The following CAP2 variants were observed in gnomAD, a reference collection of about 807,000 sequenced individuals.
The protein encoded by CAP2 is adenylyl cyclase-associated protein 2.
CAP2 carries 24 observed loss-of-function variants against 57.7 expected under a neutral mutation model. That is an observed-to-expected ratio of 0.42 (90% CI 0.30 to 0.58). The LOEUF (loss-of-function observed/expected upper bound fraction) is 0.58. Ranked by LOEUF, CAP2 falls within the 20% of genes least tolerant of loss-of-function variation. CAP2 has a pLI of 0.22. For missense variants in CAP2, 501 were observed against 590.3 expected (o/e 0.85, Z 1.57); for synonymous variants, 194 against 207.2 (o/e 0.94, Z 0.55).
intron 1 of CAP2, among the ~76,000 whole-genome samples, chr6:17,400,725 C>T (rs1320390810): frequency 1.3e-5 from 2 of 151,908 alleles, no homozygotes; most frequent in Non-Finnish European, 2.9e-5. Context: ...ATTAGCCAGG[C>T]GTGGTGGCAG....
chr6:17,467,218 G>T (rs1185139814), intron 4 of CAP2, among the ~76,000 whole-genome samples: 2 of 152,158 alleles, frequency 1.3e-5, no homozygotes, highest in African/African-American at 2.4e-5. Context: ...CCTTGGCCCA[G>T]AATTCTGATC....
At position 17,404,269 on chromosome 6, in the gene CAP2, G is replaced by A. The variant is rs181096919; in HGVS notation, c.-2+10523G>A. 2.3e-3 allele frequency among the ~76,000 whole-genome samples: 354 copies of A among 152,118 alleles called. 1 individual carries two copies. The highest frequency in any genetic ancestry group is 3.9e-3 in the Non-Finnish European group (264 of 67,982). On this transcript the variant is annotated intron_variant, in intron 1 of 12. Coordinates refer to ENST00000229922, the MANE Select transcript of CAP2 (RefSeq NM_006366.3). ...GGGTGGATCACGAGGTCAGGCGTTCGAGACCAGCCTGGCCAACATAGTAAA... is the reference window on the plus strand; with the variant it reads ...GGGTGGATCACGAGGTCAGGCGTTCAAGACCAGCCTGGCCAACATAGTAAA...
intron 3 of CAP2, among the ~76,000 whole-genome samples, chr6:17,438,442 T>TTTTC (rs1561783610): frequency 1.6e-5 from 2 of 126,892 alleles, no homozygotes; most frequent in African/African-American, 7.1e-5. Context: ...TGTTTTTTTT[T>TTTTC]TTTTTTTTTT....
chr6:17,395,721 TTTTAA>T (rs1296026778), intron 1 of CAP2, among the ~76,000 whole-genome samples: 4 of 152,236 alleles, frequency 2.6e-5, no homozygotes, highest in Non-Finnish European at 5.9e-5. Context: ...TTTGTTTTGT[TTTTAA>T]TTTATTATGT....
Position 17,437,960 on chromosome 6 carries a change from C to A in CAP2, c.222+11270C>A, listed in dbSNP as rs183527065. Among the ~76,000 whole-genome samples, 14 of 152,288 alleles carry A rather than the reference C, an allele frequency of 9.2e-5. No individual in the cohort carries two copies. In the East Asian group the frequency reaches 2.7e-3, roughly 29 times the overall value. On this transcript the variant is annotated intron_variant, in intron 3 of 12. Transcript: ENST00000229922. ...AGTCCATAGGCGGGAGCAAGAAAGT[C>A]ATTGGTTTATTATTGATTTGTAGAG...
intron 7 of CAP2, chr6:17,531,019 G>A (rs1762625684): frequency 9.7e-7 from 1 of 1,025,740 alleles, no homozygotes; most frequent in African/African-American, 1.6e-5. Context: ...AAGGGCCACA[G>A]GAAGTTATTT....
chr6:17,424,249 A>C (rs566531554), intron 2 of CAP2, among the ~76,000 whole-genome samples: 1 of 152,198 alleles, frequency 6.6e-6, no homozygotes, highest in South Asian at 2.1e-4. Flanking sequence ...AAATGAAAAA[A>C]ATTAGCTGGG....
chr6:17,461,992 C>CAAAAAA lies in CAP2; in HGVS notation c.223-978_223-973dup, dbSNP rs567675285. Among the ~76,000 whole-genome samples, 151 of 27,852 alleles carry CAAAAAA rather than the reference C, an allele frequency of 5.4e-3. 16 individuals are homozygous for CAAAAAA. Among genetic ancestry groups the CAAAAAA allele is most frequent in the Non-Finnish European group, 0.015 (98 of 6,530 alleles). The allele number at this position is 27,852 out of a possible 152,430, so 18.3% of individuals were successfully genotyped here. A position where few individuals can be genotyped will look rare whatever the true frequency, so the allele number is the denominator to read the frequency against. On this transcript the variant is annotated intron_variant, in intron 3 of 12. Coordinates refer to ENST00000229922, the MANE Select transcript of CAP2 (RefSeq NM_006366.3). ...TGGGCAACAGGGCGAGACTCCGTCT[C>CAAAAAA]AAAAAAAAAAAAAAAAAAAAAAAAA...
intron 4 of CAP2, among the ~76,000 whole-genome samples, chr6:17,486,464 G>A (rs149741627): frequency 3.2e-4 from 49 of 152,156 alleles, no homozygotes; most frequent in Non-Finnish European, 5.9e-4. Context: ...AAATTAGCCC[G>A]GCATGGTGGC....
chr6:17,508,890 TG>T (rs1762063429), intron 6 of CAP2, among the ~76,000 whole-genome samples: 1 of 152,062 alleles, frequency 6.6e-6, no homozygotes, highest in South Asian at 2.1e-4. Context: ...CCCAAGTAGC[TG>T]GGACTATAGG....
intron 3 of CAP2, among the ~76,000 whole-genome samples, chr6:17,436,583 G>A (rs1358100471): frequency 6.6e-6 from 1 of 152,156 alleles, no homozygotes; most frequent in African/African-American, 2.4e-5. Flanking sequence ...AGAGAGGGAG[G>A]CGGGTATCAG....
At chr6:17,488,338 A>G (rs1761470191) in intron 4 of CAP2, among the ~76,000 whole-genome samples, 1 of 152,156 alleles carries the variant, frequency 6.6e-6, no homozygotes, top group South Asian at 2.1e-4. Context: ...TCCATAAGTA[A>G]TAAGCAAACA....
chr6:17,515,993 A>G (rs1047190700), intron 7 of CAP2, among the ~76,000 whole-genome samples: 1 of 152,058 alleles, frequency 6.6e-6, no homozygotes, highest in African/African-American at 2.4e-5. Context: ...AATTTACCGA[A>G]CTCATATTGT....
chr6:17,536,760 C>T (rs575376478), intron 7 of CAP2, among the ~76,000 whole-genome samples: 3 of 152,240 alleles, frequency 2.0e-5, no homozygotes, highest in African/African-American at 7.2e-5. Flanking sequence ...GGGGCTGTCC[C>T]TTCACCGGCT....
At chr6:17,463,489 T>C (rs2113598567) in intron 4 of CAP2, among the ~76,000 whole-genome samples, 1 of 152,342 alleles carries the variant, frequency 6.6e-6, no homozygotes, top group African/African-American at 2.4e-5. Context: ...GATTTTGAGC[T>C]GCTTTGTTAC....
At chr6:17,404,268 C>T (rs961063569) in intron 1 of CAP2, among the ~76,000 whole-genome samples, 4 of 151,900 alleles carry the variant, frequency 2.6e-5, no homozygotes, top group Admixed American at 1.3e-4. Context: ...GTCAGGCGTT[C>T]GAGACCAGCC....
intron 11 of CAP2, among the ~76,000 whole-genome samples, chr6:17,551,226 A>G (rs1327810063): frequency 2.0e-5 from 3 of 152,188 alleles, no homozygotes; most frequent in Non-Finnish European, 4.4e-5. Flanking sequence ...GTCTCAGGAA[A>G]GAGACACTGA....
At chr6:17,547,631 G>A (rs919165165) in intron 11 of CAP2, among the ~76,000 whole-genome samples, 9 of 152,000 alleles carry the variant, frequency 5.9e-5, no homozygotes, top group South Asian at 4.1e-4. Flanking sequence ...CACGAGGTCC[G>A]GAGATTGAGA....
At chr6:17,533,527 C>T (rs1018639657) in intron 7 of CAP2, among the ~76,000 whole-genome samples, 1 of 151,610 alleles carries the variant, frequency 6.6e-6, no homozygotes, top group Non-Finnish European at 1.5e-5. Context: ...AACTTTTGTA[C>T]TCTGAATATG....
Sources: gnomAD v4.1 joint callset for allele counts (sites outside exome capture counted in the v4.1 genomes callset) on GRCh38, gnomAD v4.1.1 for gene constraint, MANE v1.5 for transcripts, NCBI Gene and HGNC (gene_info 2026-07-23, HGNC 2026-07-21) for gene names.